The following DNAH11 variants were observed in gnomAD, a reference collection of about 807,000 sequenced individuals.
DNAH11 encodes the protein axonemal beta dynein heavy chain 11.
A neutral mutation model predicts 526.0 loss-of-function variants in DNAH11; 442 were observed. That is an observed-to-expected ratio of 0.84 (90% CI 0.78 to 0.91). DNAH11 has a LOEUF of 0.91. DNAH11 is among the 40% of genes least tolerant of loss of function. DNAH11 has a pLI of 0.00. For missense variants in DNAH11, 6,989 were observed against 5,448.7 expected (o/e 1.28, Z -8.90); for synonymous variants, 2,461 against 1,935.9 (o/e 1.27, Z -7.12).
chr7:21,629,225 C>G (rs1436971257), intron 25 of DNAH11, among the ~76,000 whole-genome samples: 1 of 152,038 alleles, frequency 6.6e-6, no homozygotes, highest in African/African-American at 2.4e-5. Context: ...TAAGGTTCCT[C>G]TTGTTAGTGA....
At chr7:21,894,417 C>T (rs1277684034) in intron 77 of DNAH11, among the ~76,000 whole-genome samples, 1 of 152,228 alleles carries the variant, frequency 6.6e-6, no homozygotes, top group African/African-American at 2.4e-5. Flanking sequence ...GGCACTGGTA[C>T]AGAGGCACCA....
At chr7:21,843,325 G>T (rs1224928812) in intron 66 of DNAH11, among the ~76,000 whole-genome samples, 1 of 152,050 alleles carries the variant, frequency 6.6e-6, no homozygotes, top group Non-Finnish European at 1.5e-5. Flanking sequence ...AAAAAAGCTA[G>T]TTCTTTGGCA....
chr7:21,559,761 G>T lies in DNAH11; in HGVS notation c.851G>T (p.Arg284Met), dbSNP rs1210488980. Residue 284 changes from arginine (R) to methionine (M), a missense_variant, in exon 4 of 82, where the codon AGG becomes ATG. Coordinates refer to ENST00000409508, the MANE Select transcript of DNAH11 (RefSeq NM_001277115.2). ...GCAGAACTAGATTTCTGGATGATGA[G>T]GAGAGAAAATCTGTCATGCATTTAT... ...PQAELDFWMM[R>M]RENLSCIYDQ... 6.9e-6 allele frequency: 11 copies of T among 1,605,298 alleles called. No individual in the cohort carries two copies. Among genetic ancestry groups the T allele is most frequent in the South Asian group, 4.5e-5 (4 of 89,414 alleles).
In DNAH11 at chr7:21,543,115, G is replaced by T. The variant is rs896698050; in HGVS notation, c.-131G>T. ...GGCTGCTAAGTAGCAGCAGGTGGGA[G>T]ACTAGGGTCTGCGCTCGCGGCGACC... On this transcript the variant is annotated 5_prime_UTR_variant, in exon 1 of 82. Transcript: ENST00000409508. The T allele has an allele frequency of 1.0e-5, 15 of 1,430,196 alleles. No individual in the cohort carries two copies. Among genetic ancestry groups the T allele is most frequent in the Non-Finnish European group, 1.3e-5 (14 of 1,099,490 alleles). 88.6% of individuals were successfully genotyped at this position (1,430,196 alleles called of 1,614,324 possible).
Position 21,682,800 on chromosome 7 carries a change from T to G in DNAH11, c.5461-984T>G, listed in dbSNP as rs555257341. 2.0e-5 allele frequency among the ~76,000 whole-genome samples: 3 copies of G among 152,282 alleles called. No individual in the cohort carries two copies. In the South Asian group the frequency reaches 6.2e-4, roughly 32 times the overall value. On this transcript the variant is annotated intron_variant, in intron 31 of 81. Transcript: ENST00000409508. Reference sequence around the variant, plus strand: ...TAAAAGCAAAGTGAATTTTAATTATTTTCATAAAGTGCAAGAAAATGCTTT... The same window carrying G: ...TAAAAGCAAAGTGAATTTTAATTATGTTCATAAAGTGCAAGAAAATGCTTT...
At position 21,727,756 on chromosome 7, in the gene DNAH11, C is replaced by T. The variant is rs114418941; in HGVS notation, c.7440+1772C>T. On this transcript the variant is annotated intron_variant, in intron 45 of 81. Coordinates refer to ENST00000409508, the MANE Select transcript of DNAH11 (RefSeq NM_001277115.2). Reference sequence around the variant, plus strand: ...GTGCCAAATAACAGAAAGCCCAGTGCATTCATTTCCTGGAGCTGCCATAAC... The same window carrying T: ...GTGCCAAATAACAGAAAGCCCAGTGTATTCATTTCCTGGAGCTGCCATAAC... Among the ~76,000 whole-genome samples, 471 of 152,276 alleles carry T rather than the reference C, an allele frequency of 3.1e-3. 3 individuals carry two copies. The highest frequency in any genetic ancestry group is 0.011 in the African/African-American group (444 of 41,536).
intron 23 of DNAH11, 112 bp downstream of exon 23, chr7:21,617,889 G>A: frequency 2.6e-6 from 3 of 1,148,926 alleles, no homozygotes; most frequent in South Asian, 2.2e-5. Flanking sequence ...CCTCAGCATA[G>A]CCTCTACTTG....
At chr7:21,883,165 T>C (rs972700575) in intron 75 of DNAH11, among the ~76,000 whole-genome samples, 1 of 152,244 alleles carries the variant, frequency 6.6e-6, no homozygotes, top group African/African-American at 2.4e-5. Context: ...ATTGGCATAG[T>C]TGAAGCAATT....
chr7:21,732,537 A>G (rs1562515663), intron 45 of DNAH11, among the ~76,000 whole-genome samples: 1 of 152,136 alleles, frequency 6.6e-6, no homozygotes, highest in Non-Finnish European at 1.5e-5. Context: ...CAGCACCCCT[A>G]TTCCCAAATA....
chr7:21,859,125 T>C (rs1562588456), intron 68 of DNAH11, among the ~76,000 whole-genome samples: 1 of 152,178 alleles, frequency 6.6e-6, no homozygotes, highest in South Asian at 2.1e-4. Context: ...CATTTTGTTT[T>C]GTTTTTGAGA....
chr7:21,728,613 A>G (rs2965375), intron 45 of DNAH11, among the ~76,000 whole-genome samples: 98,710 of 151,958 alleles, frequency 0.65, 32,490 homozygotes, highest in South Asian at 0.72. Context: ...AGTCCCAAAT[A>G]TAATCCAAAT....
intron 65 of DNAH11, among the ~76,000 whole-genome samples, chr7:21,842,286 T>G (rs967099343): frequency 2.0e-5 from 3 of 152,222 alleles, no homozygotes; most frequent in African/African-American, 7.2e-5. Context: ...ATGATTGTAT[T>G]TAATTGTTAC....
chr7:21,591,673 A>T, intron 14 of DNAH11, 96 bp downstream of exon 14: 6 of 1,246,420 alleles, frequency 4.8e-6, no homozygotes, highest in Admixed American at 2.6e-5. Context: ...CTCTTTTATC[A>T]AGCCTGAAAG....
intron 1 of DNAH11, among the ~76,000 whole-genome samples, chr7:21,543,980 G>C (rs1221987448): frequency 6.6e-6 from 1 of 152,026 alleles, no homozygotes; most frequent in African/African-American, 2.4e-5. Flanking sequence ...TAAAAAATGG[G>C]GTGTTTGGCA....
In DNAH11 at chr7:21,698,077, C is replaced by T; in HGVS notation, c.6044C>T (p.Pro2015Leu). ...TAAAATTCTTATTTACTTTTTAGAC[C>T]CTGTGCCATGGTGGCCCCTGACATT... ...LPENLKALFR[P>L]CAMVAPDIEL... is the part of the protein sequence containing the mutation. Residue 2015 changes from proline to leucine, a missense_variant and splice_region_variant, in exon 36 of 82, where the codon CCC (proline) becomes CTC (leucine). Transcript: ENST00000409508. 6 of 1,609,238 alleles carry T rather than the reference C, an allele frequency of 3.7e-6. No homozygotes were observed. Among genetic ancestry groups the T allele is most frequent in the Non-Finnish European group, 5.1e-6 (6 of 1,178,322 alleles).
At chr7:21,899,788 C>G (rs931220775) in intron 80 of DNAH11, among the ~76,000 whole-genome samples, 192 bp from the exon 81 acceptor site, 1 of 151,406 alleles carries the variant, frequency 6.6e-6, no homozygotes, top group Non-Finnish European at 1.5e-5. Context: ...TCCAATAAAA[C>G]TATCTACAGA....
At chr7:21,620,101 A>T (rs1466406081) in intron 25 of DNAH11, 23 bp downstream of exon 25, 1 of 1,518,920 alleles carries the variant, frequency 6.6e-7, no homozygotes, top group Non-Finnish European at 8.8e-7. Flanking sequence ...TTTTTATTGC[A>T]TATATTTTTC....
rs1264603558 is a variant in DNAH11, at chr7:21,866,358, A to G, written c.11497-112A>G. The G allele has an allele frequency of 1.1e-4, 107 of 958,852 alleles. No individual in the cohort carries two copies. The East Asian group carries it at 2.8e-3, about 25-fold the overall frequency. The allele number at this position is 958,852 out of a possible 1,614,324, so 59.4% of individuals were successfully genotyped here. ...AAAGGAAATCTGAAGAGGAGAGTGA[A>G]TACTATCCAGCACAGTTTTTTTACA... is the stretch of plus-strand genomic sequence containing the variant. On this transcript the variant is annotated intron_variant, in intron 70 of 81. Coordinates refer to ENST00000409508, the MANE Select transcript of DNAH11 (RefSeq NM_001277115.2).
intron 61 of DNAH11, among the ~76,000 whole-genome samples, chr7:21,797,725 A>G (rs549947991): frequency 6.6e-6 from 1 of 152,366 alleles, no homozygotes; most frequent in Non-Finnish European, 1.5e-5. Flanking sequence ...ATACCAGGTT[A>G]GTACTTATTC....
Sources: gnomAD v4.1 joint callset for allele counts (sites outside exome capture counted in the v4.1 genomes callset) on GRCh38, gnomAD v4.1.1 for gene constraint, MANE v1.5 for transcripts, NCBI Gene and HGNC (gene_info 2026-07-23, HGNC 2026-07-21) for gene names.